Variants in SPEN observed in about 807,000 individuals in gnomAD.
SPEN encodes the protein spen family transcriptional repressor.
In SPEN, 18 loss-of-function variants were observed where a neutral mutation model predicts 269.9. The observed-to-expected ratio is 0.07, with a 90% CI of 0.05 to 0.10. The LOEUF (loss-of-function observed/expected upper bound fraction) is 0.10. Ranked by LOEUF, SPEN falls within the 10% of genes least tolerant of loss-of-function variation. The probability of loss-of-function intolerance (pLI) is 1.00; values close to 1 mark genes in which losing one functional copy is unlikely to be tolerated. For missense variants in SPEN, 3,822 were observed against 4,631.2 expected (o/e 0.83, Z 5.07); for synonymous variants, 1,726 against 1,765.7 (o/e 0.98, Z 0.56).
Position 15,935,957 on chromosome 1 carries a change from C to T in SPEN, c.9717C>T (p.Ala3239=). ...AGGAAGCTGCCAAGACACCAGATGCCAAAGCTGCCCCCACCCCCACCCCTG... is the reference window on the plus strand; with the variant it reads ...AGGAAGCTGCCAAGACACCAGATGCTAAAGCTGCCCCCACCCCCACCCCTG... ...PGKEAAKTPD[A]KAAPTPTPAP... The change falls in exon 11 of 15, where the codon GCC becomes GCT. Residue 3239 remains alanine, a synonymous_variant. Coordinates refer to ENST00000375759, the MANE Select transcript of SPEN (RefSeq NM_015001.3). The surrounding 1 kb of genome is among the most constrained non-coding windows in gnomAD (Gnocchi z 7.7). The T allele has an allele frequency of 4.4e-6, 7 of 1,596,828 alleles. No individual in the cohort carries two copies. Among genetic ancestry groups the T allele is most frequent in the Non-Finnish European group, 6.0e-6 (7 of 1,173,264 alleles).
intron 3 of SPEN, among the ~76,000 whole-genome samples, chr1:15,905,736 C>A (rs1474488020): frequency 6.6e-6 from 1 of 151,402 alleles, no homozygotes; most frequent in Non-Finnish European, 1.5e-5. Flanking sequence ...CCATGCCCAG[C>A]CAATTTTTTT....
chr1:15,933,643 C>T lies in SPEN; in HGVS notation c.7403C>T (p.Pro2468Leu), dbSNP rs747302435. The change falls in exon 11 of 15, where the codon CCC becomes CTC. Residue 2468 changes from proline (P) to leucine (L), a missense_variant. Physicochemically the swap from Pro to Leu is moderately conservative, Grantham distance 98. This residue lies in a region of SPEN where 727 missense variants were observed against 737.9 expected (regional missense o/e 0.99). Coordinates refer to ENST00000375759, the MANE Select transcript of SPEN (RefSeq NM_015001.3). The surrounding 1 kb of genome is among the most constrained non-coding windows in gnomAD (Gnocchi z 5.7). Reference sequence around the variant, plus strand: ...ACCCCACCCAGCGATCCAAGCATCCCCATACCCACACTGCCTTCTGTAACT... The same window carrying T: ...ACCCCACCCAGCGATCCAAGCATCCTCATACCCACACTGCCTTCTGTAACT... ...PVTPPSDPSI[P>L]IPTLPSVTAA... 1.1e-4 allele frequency: 176 copies of T among 1,614,048 alleles called. No homozygotes were observed. The highest frequency in any genetic ancestry group is 1.4e-4 in the Non-Finnish European group (167 of 1,180,038).
chr1:15,922,879 G>A (rs1263893234), intron 10 of SPEN, among the ~76,000 whole-genome samples: 4 of 152,200 alleles, frequency 2.6e-5, no homozygotes, highest in Middle Eastern at 3.4e-3. Flanking sequence ...CTCCCAAAGC[G>A]CTGGGATTAC....
intron 10 of SPEN, among the ~76,000 whole-genome samples, chr1:15,926,816 C>T (rs2148737005): frequency 6.6e-6 from 1 of 152,154 alleles, no homozygotes; most frequent in East Asian, 1.9e-4. Flanking sequence ...CCTCAGCCTC[C>T]CGAGTACCTG....
intron 1 of SPEN, among the ~76,000 whole-genome samples, chr1:15,855,778 G>A (rs953443267): frequency 3.8e-4 from 57 of 151,208 alleles, no homozygotes; most frequent in African/African-American, 1.3e-3. Flanking sequence ...CAGGAGAATC[G>A]CTTGAACCCA....
chr1:15,922,109 G>A (rs2071125083), intron 9 of SPEN, 140 bp from the exon 10 acceptor site: 1 of 634,820 alleles, frequency 1.6e-6, no homozygotes, highest in Non-Finnish European at 2.8e-6. Flanking sequence ...CAGTGATGAG[G>A]ACTGTTTTAC....
rs755930976 is a variant in SPEN at position 15,932,623 on chromosome 1, A to C, written c.6383A>C (p.Gln2128Pro). 3 of 1,610,550 alleles carry C rather than the reference A, an allele frequency of 1.9e-6. No individual in the cohort carries two copies. Among genetic ancestry groups the C allele is most frequent in the African/African-American group, 2.7e-5 (2 of 74,750 alleles). Reference protein sequence around the residue: ...AVSPEKSESPQKEDGLSSQLK... With the variant: ...AVSPEKSESPPKEDGLSSQLK... ...TCCCCTGAGAAAAGTGAGAGTCCCCAAAAGGAGGATGGTTTATCATCCCAG... is the reference window on the plus strand; with the variant it reads ...TCCCCTGAGAAAAGTGAGAGTCCCCCAAAGGAGGATGGTTTATCATCCCAG... Residue 2128 changes from glutamine to proline, a missense_variant, in exon 11 of 15, where the codon CAA (glutamine) becomes CCA (proline). Physicochemically the swap from Gln to Pro is moderately conservative, Grantham distance 76. Coordinates refer to ENST00000375759, the MANE Select transcript of SPEN (RefSeq NM_015001.3). The surrounding 1 kb of genome is among the most constrained non-coding windows in gnomAD (Gnocchi z 4.2).
In SPEN at chr1:15,933,416, C is replaced by T. The variant is rs2071242407; in HGVS notation, c.7176C>T (p.Ser2392=). The T allele has an allele frequency of 1.2e-6, 2 of 1,614,128 alleles. No homozygotes were observed. Among genetic ancestry groups the T allele is most frequent in the Non-Finnish European group, 1.7e-6 (2 of 1,180,024 alleles). Residue 2392 remains serine, a synonymous_variant, in exon 11 of 15, where the codon TCC becomes TCT. Coordinates refer to ENST00000375759, the MANE Select transcript of SPEN (RefSeq NM_015001.3). This position sits in a 1 kb window ranked among gnomAD's most constrained non-coding sequence, Gnocchi z 5.7. ...QEEKQSEKPH[S]TPPQSCTSDL... ...AAAAGCAGAGTGAGAAACCCCATTC[C>T]ACTCCTCCTCAGTCATGTACTTCTG...
chr1:15,872,805 A>AT lies in SPEN; in HGVS notation c.84-5dup. 6.7e-7 allele frequency: 1 copy of AT among 1,481,892 alleles called. No individual in the cohort carries two copies. The highest frequency in any genetic ancestry group is 9.0e-7 in the Non-Finnish European group (1 of 1,111,748). The allele number at this position is 1,481,892 out of a possible 1,614,324, so 91.8% of individuals were successfully genotyped here. A position where few individuals can be genotyped will look rare whatever the true frequency, so the allele number is the denominator to read the frequency against. ...GATATGCAGCAATAACGTTGACTTT[A>AT]TTTTTTCCAGATATGGCCGCGTGGA... is the stretch of plus-strand genomic sequence containing the variant. On this transcript the variant is annotated splice_polypyrimidine_tract_variant and intron_variant, in intron 1 of 14. Coordinates refer to ENST00000375759, the MANE Select transcript of SPEN (RefSeq NM_015001.3).
At chr1:15,912,550 A>G (rs1204192912) in intron 5 of SPEN, among the ~76,000 whole-genome samples, 3 of 152,196 alleles carry the variant, frequency 2.0e-5, no homozygotes, top group Admixed American at 6.5e-5. Context: ...ATGCACAAAT[A>G]TGTTATTTGT....
At chr1:15,898,558 C>CTTTTTTTTTTTT (rs375319827) in intron 3 of SPEN, among the ~76,000 whole-genome samples, 8 of 131,974 alleles carry the variant, frequency 6.1e-5, no homozygotes, top group South Asian at 2.4e-4. Flanking sequence ...TTCTTTTTTT[C>CTTTTTTTTTTTT]TTTTTTTTTT....
Position 15,928,585 on chromosome 1 carries a change from T to G in SPEN, c.2345T>G (p.Leu782Trp). 1 of 1,614,150 alleles carries G rather than the reference T, an allele frequency of 6.2e-7. No individual in the cohort carries two copies. Among genetic ancestry groups the G allele is most frequent in the Non-Finnish European group, 8.5e-7 (1 of 1,180,024 alleles). The change falls in exon 11 of 15, where the codon TTG becomes TGG. Residue 782 changes from leucine (L) to tryptophan (W), a missense_variant. Transcript: ENST00000375759. This position sits in a 1 kb window ranked among gnomAD's most constrained non-coding sequence, Gnocchi z 5.7. ...PRYEKLDKSR[L>W]ERYTKNEKTD... ...TATGAGAAACTGGACAAGTCTCGTT[T>G]GGAGCGCTATACAAAAAATGAAAAG...
At position 15,929,018 on chromosome 1, in the gene SPEN, A is replaced by G. The variant is rs2071195633; in HGVS notation, c.2778A>G (p.Lys926=). The G allele has an allele frequency of 6.8e-6, 11 of 1,614,230 alleles. No homozygotes were observed. Among genetic ancestry groups the G allele is most frequent in the Non-Finnish European group, 9.3e-6 (11 of 1,180,034 alleles). ...KLQVSQTEPA[K]SDLSKLESVR... is the part of the protein sequence containing the mutation. ...AGGTCTCTCAGACGGAGCCTGCAAAATCTGACTTGTCTAAACTGGAATCAG... is the reference window on the plus strand; with the variant it reads ...AGGTCTCTCAGACGGAGCCTGCAAAGTCTGACTTGTCTAAACTGGAATCAG... The change falls in exon 11 of 15, where the codon AAA becomes AAG. Residue 926 remains lysine (K), a synonymous_variant. Transcript: ENST00000375759. The surrounding 1 kb of genome is among the most constrained non-coding windows in gnomAD (Gnocchi z 5.8).
chr1:15,899,972 A>G (rs2070884821), intron 3 of SPEN, among the ~76,000 whole-genome samples: 2 of 151,950 alleles, frequency 1.3e-5, no homozygotes, highest in South Asian at 2.1e-4. Flanking sequence ...CAGCCTCCTG[A>G]GTAGCTGGGA....
rs772237638 is a variant in SPEN at position 15,873,066 on chromosome 1, G to A, written c.334G>A (p.Gly112Arg). 6.2e-7 allele frequency: 1 copy of A among 1,614,146 alleles called. No homozygotes were observed. The highest frequency in any genetic ancestry group is 8.5e-7 in the Non-Finnish European group (1 of 1,180,016). Residue 112 changes from glycine to arginine, a missense_variant, in exon 2 of 15, where the codon GGA (glycine) becomes AGA (arginine). By Grantham distance (125) the Gly-to-Arg change is moderately radical. Around this residue, in one of 16 missense-constraint regions of SPEN, gnomAD observed 327 missense variants for 350.8 expected, o/e 0.93. Coordinates refer to ENST00000375759, the MANE Select transcript of SPEN (RefSeq NM_015001.3). The part of the protein sequence containing the change: ...REVSGFRGGG[G>R]GPAYGPPPSL... ...GGTTTCTGGGTTCAGAGGAGGTGGT[G>A]GAGGGCCTGCTTATGGTCCCCCACC...
chr1:15,860,162 C>T (rs1024462902), intron 1 of SPEN, among the ~76,000 whole-genome samples: 11 of 152,054 alleles, frequency 7.2e-5, no homozygotes, highest in East Asian at 5.8e-4. Context: ...CCGCCCGCCT[C>T]GGCCTCCCAA....
chr1:15,919,103 A>G lies in SPEN; in HGVS notation c.1521+52A>G, dbSNP rs758164989. The G allele has an allele frequency of 5.8e-6, 9 of 1,556,782 alleles. No homozygotes were observed. In the East Asian group the frequency reaches 1.8e-4, roughly 31 times the overall value. ...GCTGTTATGATTTGCTTTGTTTTTTAAGACTTGAAGGGTTTTTTTTTTGCA... is the reference window on the plus strand; with the variant it reads ...GCTGTTATGATTTGCTTTGTTTTTTGAGACTTGAAGGGTTTTTTTTTTGCA... On this transcript the variant is annotated intron_variant, in intron 7 of 14. Coordinates refer to ENST00000375759, the MANE Select transcript of SPEN (RefSeq NM_015001.3).
chr1:15,933,197 A>T lies in SPEN; in HGVS notation c.6957A>T (p.Lys2319Asn). 6.2e-7 allele frequency: 1 copy of T among 1,614,186 alleles called. No homozygotes were observed. The highest frequency in any genetic ancestry group is 8.5e-7 in the Non-Finnish European group (1 of 1,180,016). The change falls in exon 11 of 15, where the codon AAA (lysine) becomes AAT (asparagine). Residue 2319 changes from lysine (K) to asparagine (N), a missense_variant. Lys to Asn is a moderately conservative substitution (Grantham distance 94). This residue lies in a region of SPEN where 727 missense variants were observed against 737.9 expected (regional missense o/e 0.99). Transcript: ENST00000375759. The surrounding 1 kb of genome is among the most constrained non-coding windows in gnomAD (Gnocchi z 5.7). ...CAGTGCCAGAAGCCAAAGGGTCTAA[A>T]GAAGTGGAAGTCACTCTTGTTCGGA... ...SHSVPEAKGS[K>N]EVEVTLVRKD... is the part of the protein sequence containing the mutation.
chr1:15,912,961 G>A (rs890647342), intron 5 of SPEN, among the ~76,000 whole-genome samples: 4 of 152,126 alleles, frequency 2.6e-5, no homozygotes, highest in African/African-American at 9.7e-5. Flanking sequence ...TAGCACCTAG[G>A]AAATAGGCTT....
Sources: allele counts gnomAD v4.1 joint callset (sites outside exome capture counted in the v4.1 genomes callset), GRCh38; gene constraint gnomAD v4.1.1; regional missense constraint gnomAD v4.1.1; non-coding constraint Gnocchi (gnomAD v3.1); transcripts MANE v1.5; gene names NCBI Gene and HGNC (gene_info 2026-07-23, HGNC 2026-07-21).